Variants in TBC1D5 observed in about 807,000 individuals in gnomAD.
TBC1D5 encodes the protein TBC1 domain family, member 5.
In TBC1D5, 75 loss-of-function variants were observed where a neutral mutation model predicts 100.3. The observed-to-expected ratio is 0.75, with a 90% CI of 0.62 to 0.91. TBC1D5 has a LOEUF of 0.91. TBC1D5 is among the 40% of genes least tolerant of loss of function. The pLI is 0.00. For synonymous variants in TBC1D5, 323 were observed against 325.6 expected (o/e 0.99, Z 0.09); for missense variants, 910 against 942.4 (o/e 0.97, Z 0.45).
chr3:17,695,308 G>A (rs1389077616), intron 1 of TBC1D5, among the ~76,000 whole-genome samples: 1 of 152,148 alleles, frequency 6.6e-6, no homozygotes, highest in Non-Finnish European at 1.5e-5. Flanking sequence ...TGGCAAATTG[G>A]ATAAAGAGTC....
At chr3:17,375,477 G>A (rs2092671827) in intron 10 of TBC1D5, among the ~76,000 whole-genome samples, 1 of 151,812 alleles carries the variant, frequency 6.6e-6, no homozygotes, top group Non-Finnish European at 1.5e-5. Context: ...TGAGGCAGGA[G>A]AATCACTTGA....
At chr3:17,401,255 T>C (rs192149587) in intron 8 of TBC1D5, among the ~76,000 whole-genome samples, 32 of 149,500 alleles carry the variant, frequency 2.1e-4, no homozygotes, top group Non-Finnish European at 3.4e-4. Flanking sequence ...GTGTATAATA[T>C]ACATATATAT....
chr3:17,167,875 C>T, intron 19 of TBC1D5, 47 bp from the exon 21 acceptor site: 5 of 1,342,856 alleles, frequency 3.7e-6, no homozygotes, highest in Non-Finnish European at 5.2e-6. Context: ...CTGAGCATAA[C>T]CTACCTGCTG....
chr3:17,557,716 A>C (rs2096531301), intron 2 of TBC1D5, among the ~76,000 whole-genome samples: 2 of 152,126 alleles, frequency 1.3e-5, no homozygotes, highest in South Asian at 4.1e-4. Flanking sequence ...ATGCCCAATT[A>C]ATTTTTGTTC....
chr3:17,157,336 G>C (rs2065671081), exon 22 of TBC1D5: 1 of 152,250 alleles, frequency 6.6e-6, no homozygotes, highest in Admixed American at 6.5e-5. Context: ...TTGTGCCACT[G>C]TGAGAAAAAC....
At chr3:17,721,625 T>C (rs987965954) in intron 1 of TBC1D5, among the ~76,000 whole-genome samples, 2 of 152,050 alleles carry the variant, frequency 1.3e-5, no homozygotes, top group African/African-American at 4.8e-5. Context: ...TGAACCGAGA[T>C]TGTGCCACTA....
intron 2 of TBC1D5, among the ~76,000 whole-genome samples, chr3:17,558,719 C>CGGTG: frequency 6.6e-6 from 1 of 152,294 alleles, no homozygotes; most frequent in Non-Finnish European, 1.5e-5. Context: ...GTGGGCCATA[C>CGGTG]GGTACCTGTT....
At chr3:17,158,962 A>G (rs2065814233) in exon 22 of TBC1D5, 1 of 152,276 alleles carries the variant, frequency 6.6e-6, no homozygotes, top group Admixed American at 6.5e-5. Context: ...CCAAGGTGAG[A>G]AAGTGACCAA....
intron 1 of TBC1D5, among the ~76,000 whole-genome samples, chr3:17,639,463 G>T (rs1202148875): frequency 6.7e-6 from 1 of 148,690 alleles, no homozygotes; most frequent in Non-Finnish European, 1.5e-5. Context: ...CACACAATTT[G>T]GTTAAAAAAA....
At position 17,168,641 on chromosome 3, in the gene TBC1D5, G is replaced by T. The variant is rs146048028; in HGVS notation, c.1853-813C>A. 2.6e-3 allele frequency among the ~76,000 whole-genome samples: 400 copies of T among 152,290 alleles called. 1 individual carries two copies. The highest frequency in any genetic ancestry group is 4.1e-3 in the Non-Finnish European group (281 of 68,018). On this transcript the variant is annotated intron_variant, in intron 19 of 21. Transcript: ENST00000253692. The stretch of plus-strand genomic sequence containing the variant: ...TGGGAGGAAAGCCTAGTCTCCCGGG[G>T]AAGTACAAGAGGATGTGCTGGTGGA...
intron 8 of TBC1D5, among the ~76,000 whole-genome samples, chr3:17,391,185 C>G (rs1282174276): frequency 6.6e-6 from 1 of 152,106 alleles, no homozygotes; most frequent in Non-Finnish European, 1.5e-5. Context: ...TCACATTTCC[C>G]TTCTGAGGTA....
At chr3:17,618,242 A>G (rs1276956385) in intron 2 of TBC1D5, among the ~76,000 whole-genome samples, 1 of 152,144 alleles carries the variant, frequency 6.6e-6, no homozygotes, top group East Asian at 1.9e-4. Context: ...CAGAACAGCA[A>G]TTATTGCTGC....
At position 17,161,168 on chromosome 3, in the gene TBC1D5, CT is replaced by C. The variant is rs759047212; in HGVS notation, c.2182del (p.Arg728GlyfsTer35). The C allele has an allele frequency of 6.8e-6, 11 of 1,614,152 alleles. No homozygotes were observed. Among genetic ancestry groups the C allele is most frequent in the South Asian group, 1.1e-5 (1 of 91,088 alleles). ...CTGGGCCTGGCCGGAGAAGGAGCCC[CT>C]GGCACTGCTCCCATCATCATCTTTG... On this transcript the variant is annotated frameshift_variant, in exon 22 of 22. Coordinates refer to ENST00000253692, the Ensembl canonical transcript of TBC1D5. LOFTEE classifies it high-confidence loss of function.
At chr3:17,511,202 A>G (rs915912742) in intron 2 of TBC1D5, among the ~76,000 whole-genome samples, 1 of 152,042 alleles carries the variant, frequency 6.6e-6, no homozygotes, top group Non-Finnish European at 1.5e-5. Context: ...AGAACAGATT[A>G]AACACTTTTC....
At chr3:17,417,139 GC>G (rs2094096999) in intron 4 of TBC1D5, among the ~76,000 whole-genome samples, 2 of 152,164 alleles carry the variant, frequency 1.3e-5, no homozygotes, top group South Asian at 4.1e-4. Flanking sequence ...CGAAAGTTGA[GC>G]TATGCTGTTC....
At chr3:17,735,183 A>G (rs1189668420) in intron 1 of TBC1D5, among the ~76,000 whole-genome samples, 1 of 152,232 alleles carries the variant, frequency 6.6e-6, no homozygotes, top group Non-Finnish European at 1.5e-5. Flanking sequence ...TAAATAATGC[A>G]TAGGCACAGA....
chr3:17,621,495 T>G (rs117117986), intron 2 of TBC1D5, among the ~76,000 whole-genome samples: 2,522 of 152,276 alleles, frequency 0.017, 51 homozygotes, highest in South Asian at 0.047. Flanking sequence ...CTGAAATATG[T>G]GATGGAGGAC....
chr3:17,450,590 A>T (rs149483579), intron 3 of TBC1D5, among the ~76,000 whole-genome samples: 1,596 of 152,286 alleles, frequency 0.01, 22 homozygotes, highest in African/African-American at 0.036. Context: ...TGAAGCATAC[A>T]CAAGTATCAA....
intron 14 of TBC1D5, among the ~76,000 whole-genome samples, chr3:17,298,897 A>ATC (rs1238087836): frequency 6.6e-6 from 1 of 152,138 alleles, no homozygotes; most frequent in Non-Finnish European, 1.5e-5. Context: ...GATTTTTAGG[A>ATC]TGTGTTCTGA....
Sources: allele counts gnomAD v4.1 joint callset (sites outside exome capture counted in the v4.1 genomes callset), GRCh38; gene constraint gnomAD v4.1.1; transcripts MANE v1.5; gene names NCBI Gene and HGNC (gene_info 2026-07-23, HGNC 2026-07-21).